SMAD4: variants seen among roughly 807,000 people sequenced by gnomAD.
SMAD4 encodes SMAD family member 4.
Under a neutral mutation model 63.2 loss-of-function variants are expected in SMAD4, and 7 were observed. The observed-to-expected ratio is 0.11, with a 90% CI of 0.06 to 0.21. SMAD4 has a LOEUF of 0.21. Ranked by LOEUF, SMAD4 falls within the 10% of genes least tolerant of loss-of-function variation. SMAD4 has a pLI of 1.00. For synonymous variants in SMAD4, 215 were observed against 235.4 expected (o/e 0.91, Z 0.79); for missense variants, 312 against 693.8 (o/e 0.45, Z 6.18).
chr18:51,077,316 C>T, intron 11 of SMAD4: 1 of 871,690 alleles, frequency 1.1e-6, no homozygotes. Context: ...GAGTTAAACT[C>T]CTGACTATAG....
intron 1 of SMAD4, among the ~76,000 whole-genome samples, chr18:51,037,813 C>G (rs1191485361): frequency 1.3e-5 from 2 of 152,084 alleles, no homozygotes; most frequent in African/African-American, 4.8e-5. Context: ...CAGGTAATTC[C>G]TTGGAAATGA....
intron 8 of SMAD4, among the ~76,000 whole-genome samples, chr18:51,061,554 G>A (rs183331586): frequency 2.2e-4 from 33 of 152,176 alleles, no homozygotes; most frequent in South Asian, 2.1e-4. Flanking sequence ...TGGCTGAATA[G>A]TACTCCACTG....
chr18:51,051,861 C>T (rs186234276), intron 4 of SMAD4, among the ~76,000 whole-genome samples: 1 of 151,916 alleles, frequency 6.6e-6, no homozygotes, highest in African/African-American at 2.4e-5. Flanking sequence ...GGCTGGAGTA[C>T]AATGGTGCGA....
At chr18:51,039,589 AG>A (rs1362875236) in intron 1 of SMAD4, among the ~76,000 whole-genome samples, 2 of 148,382 alleles carry the variant, frequency 1.3e-5, no homozygotes, top group Non-Finnish European at 3.0e-5. Context: ...CACTGTGGCC[AG>A]GGGGTGGCTC....
At chr18:51,058,801 A>G (rs886873579) in intron 7 of SMAD4, among the ~76,000 whole-genome samples, 1 of 152,112 alleles carries the variant, frequency 6.6e-6, no homozygotes, top group Non-Finnish European at 1.5e-5. Context: ...TTTGAGTGCT[A>G]AGTTCTCAAG....
Position 51,058,412 on chromosome 18 carries a change from A to G in SMAD4, c.860A>G (p.His287Arg), listed in dbSNP as rs1568206180. 5 of 1,613,610 alleles carry G rather than the reference A, an allele frequency of 3.1e-6. No homozygotes were observed. Among genetic ancestry groups the G allele is most frequent in the Non-Finnish European group, 3.4e-6 (4 of 1,179,962 alleles). ...TPNLPHHQNG[H>R]LQHHPPMPPH... ...AATTTGCCTCACCACCAAAACGGCC[A>G]TCTTCAGCACCACCCGCCTATGCCG... The change falls in exon 7 of 12, where the codon CAT becomes CGT. Residue 287 changes from histidine (H) to arginine (R), a missense_variant. Transcript: ENST00000342988.
At chr18:51,048,560 T>C in intron 2 of SMAD4, 126 bp from the exon 3 acceptor site, 1 of 852,630 alleles carries the variant, frequency 1.2e-6, no homozygotes, top group Non-Finnish European at 1.9e-6. Flanking sequence ...TTGTGAATTT[T>C]AGTTTTCTTA....
At position 51,058,467 on chromosome 18, in the gene SMAD4, G is replaced by A. The variant is rs769952679; in HGVS notation, c.904+11G>A. ...ATCCCGGACATTACTGTAAGCTCTT[G>A]TTTTTGTTGTAAGGGCTATTTTTTT... is the stretch of plus-strand genomic sequence containing the variant. On this transcript the variant is annotated intron_variant, in intron 7 of 11. Transcript: ENST00000342988. The A allele has an allele frequency of 3.4e-6, 5 of 1,487,226 alleles. No homozygotes were observed. Among genetic ancestry groups the A allele is most frequent in the Non-Finnish European group, 3.7e-6 (4 of 1,080,014 alleles). The allele number at this position is 1,487,226 out of a possible 1,614,324, so 92.1% of individuals were successfully genotyped here. A position where few individuals can be genotyped will look rare whatever the true frequency, so the allele number is the denominator to read the frequency against.
At position 51,079,778 on chromosome 18, in the gene SMAD4, C is replaced by G. The variant is rs887767746; in HGVS notation, c.*1311C>G. Reference sequence around the variant, plus strand: ...ATAAATAAAACTGAATCTCAACATACAAAGTTGAATTCTAGGTTTGATTTT... The same window carrying G: ...ATAAATAAAACTGAATCTCAACATAGAAAGTTGAATTCTAGGTTTGATTTT... On this transcript the variant is annotated 3_prime_UTR_variant, in exon 12 of 12. Transcript: ENST00000342988. 1 of 232,734 alleles carries G rather than the reference C, an allele frequency of 4.3e-6. No homozygotes were observed. Among genetic ancestry groups the G allele is most frequent in the Admixed American group, 5.6e-5 (1 of 17,714 alleles). 14.4% of individuals were successfully genotyped at this position (232,734 alleles called of 1,614,324 possible).
intron 5 of SMAD4, among the ~76,000 whole-genome samples, chr18:51,057,242 T>A (rs1322227918): frequency 6.6e-6 from 1 of 152,196 alleles, no homozygotes. Flanking sequence ...CAGTTATAAA[T>A]AATTATAACT....
Position 51,080,232 on chromosome 18 carries a change from G to A in SMAD4, c.*1765G>A, listed in dbSNP as rs1910576583. ...GACCATCCTAGAAACCACTGAGTTT[G>A]CTTATTTCTGTGATTTAAACATAGA... On this transcript the variant is annotated 3_prime_UTR_variant, in exon 12 of 12. Coordinates refer to ENST00000342988, the MANE Select transcript of SMAD4 (RefSeq NM_005359.6). 2.6e-5 allele frequency: 6 copies of A among 232,066 alleles called. No individual in the cohort carries two copies. In the South Asian group the frequency reaches 1.1e-3, roughly 42 times the overall value. 14.4% of individuals were successfully genotyped at this position (232,066 alleles called of 1,614,324 possible).
Position 51,081,821 on chromosome 18 carries a change from A to G in SMAD4, c.*3354A>G, listed in dbSNP as rs1910618743. Reference sequence around the variant, plus strand: ...GTTGCAGGTATCTTTGACTATGGTCATCTGGGGAAGGAAAATTTTACATTT... The same window carrying G: ...GTTGCAGGTATCTTTGACTATGGTCGTCTGGGGAAGGAAAATTTTACATTT... On this transcript the variant is annotated 3_prime_UTR_variant, in exon 12 of 12. Coordinates refer to ENST00000342988, the MANE Select transcript of SMAD4 (RefSeq NM_005359.6). 3 of 232,454 alleles carry G rather than the reference A, an allele frequency of 1.3e-5. No homozygotes were observed. Among genetic ancestry groups the G allele is most frequent in the African/African-American group, 2.2e-5 (1 of 45,324 alleles). The allele number at this position is 232,454 out of a possible 1,614,324, so 14.4% of individuals were successfully genotyped here.
chr18:51,031,029 C>T (rs1207878916), intron 1 of SMAD4, among the ~76,000 whole-genome samples: 1 of 152,176 alleles, frequency 6.6e-6, no homozygotes, highest in Admixed American at 6.5e-5. Context: ...TTATTTTCTC[C>T]AGCCAATTTC....
At chr18:51,069,554 G>A (rs1186272335) in intron 10 of SMAD4, among the ~76,000 whole-genome samples, 1 of 151,974 alleles carries the variant, frequency 6.6e-6, no homozygotes, top group East Asian at 1.9e-4. Context: ...CACCCTATGT[G>A]GCAATTTTGC....
At position 51,083,183 on chromosome 18, in the gene SMAD4, G is replaced by A; in HGVS notation, c.*4716G>A. Reference sequence around the variant, plus strand: ...TACTAAATTAGCATCAGTAGCCAGAGGCAATACCGTTGTCTGGAGGACACC... The same window carrying A: ...TACTAAATTAGCATCAGTAGCCAGAAGCAATACCGTTGTCTGGAGGACACC... On this transcript the variant is annotated 3_prime_UTR_variant, in exon 12 of 12. Transcript: ENST00000342988. 4.4e-6 allele frequency: 1 copy of A among 227,260 alleles called. No homozygotes were observed. The highest frequency in any genetic ancestry group is 8.7e-6 in the Non-Finnish European group (1 of 114,378). 14.1% of individuals were successfully genotyped at this position (227,260 alleles called of 1,614,324 possible).
rs749122500 is a variant in SMAD4, at chr18:51,081,236, CAAAG to C, written c.*2771_*2774del. ...GGTTTTCTCTAGCTAATTCATATCTCAAAGAGTCTCAAAATGTTGAATTTCAGTG... is the reference window on the plus strand; with the variant it reads ...GGTTTTCTCTAGCTAATTCATATCTCAGTCTCAAAATGTTGAATTTCAGTG... On this transcript the variant is annotated 3_prime_UTR_variant, in exon 12 of 12. Coordinates refer to ENST00000342988, the MANE Select transcript of SMAD4 (RefSeq NM_005359.6). The C allele has an allele frequency of 2.7e-5, 6 of 224,896 alleles. No individual in the cohort carries two copies. The highest frequency in any genetic ancestry group is 5.3e-5 in the Non-Finnish European group (6 of 112,886). The allele number at this position is 224,896 out of a possible 1,614,324, so 13.9% of individuals were successfully genotyped here.
chr18:51,071,269 C>G (rs1471056035), intron 10 of SMAD4, among the ~76,000 whole-genome samples: 1 of 151,928 alleles, frequency 6.6e-6, no homozygotes, highest in East Asian at 1.9e-4. Flanking sequence ...TGCACATACA[C>G]ACACACACAC....
intron 10 of SMAD4, among the ~76,000 whole-genome samples, chr18:51,073,553 C>T (rs188797382): frequency 4.6e-5 from 7 of 151,128 alleles, no homozygotes; most frequent in Admixed American, 1.3e-4. Context: ...TTTTTTGAGA[C>T]GGAGTCTTGC....
chr18:51,083,994 G>A lies in SMAD4; in HGVS notation c.*5527G>A, dbSNP rs1281464633. 2 of 154,098 alleles carry A rather than the reference G, an allele frequency of 1.3e-5. No individual in the cohort carries two copies. Among genetic ancestry groups the A allele is most frequent in the Non-Finnish European group, 2.4e-5 (2 of 84,468 alleles). The allele number at this position is 154,098 out of a possible 1,614,324, so 9.5% of individuals were successfully genotyped here. ...AGGGGCTGCAATAAACACTTAACGC[G>A]CGTGCGCACGCGCGCGCGCACACAC... is the stretch of plus-strand genomic sequence containing the variant. On this transcript the variant is annotated 3_prime_UTR_variant, in exon 12 of 12. Coordinates refer to ENST00000342988, the MANE Select transcript of SMAD4 (RefSeq NM_005359.6).
Sources: allele counts gnomAD v4.1 joint callset (sites outside exome capture counted in the v4.1 genomes callset), GRCh38; gene constraint gnomAD v4.1.1; transcripts MANE v1.5; gene names NCBI Gene and HGNC (gene_info 2026-07-23, HGNC 2026-07-21).